Variants in ERBB4 observed in about 807,000 individuals in gnomAD.
ERBB4 encodes the protein erb-b2 receptor tyrosine kinase 4, also known as receptor tyrosine-protein kinase erbB-4.
ERBB4 carries 42 observed loss-of-function variants against 158.0 expected under a neutral mutation model. That is an observed-to-expected ratio of 0.27 (90% confidence interval 0.21 to 0.34). The LOEUF (loss-of-function observed/expected upper bound fraction) is 0.34, where lower values mean the gene tolerates loss of function less well. Ranked by LOEUF, ERBB4 falls within the 10% of genes least tolerant of loss-of-function variation. The pLI is 1.00. For synonymous variants in ERBB4, 583 were observed against 558.7 expected (o/e 1.04, Z -0.61); for missense variants, 1,333 against 1,624.1 (o/e 0.82, Z 3.08).
At chr2:211,727,618 G>A (rs547711739) in intron 5 of ERBB4, among the ~76,000 whole-genome samples, 1 of 151,974 alleles carries the variant, frequency 6.6e-6, no homozygotes, top group East Asian at 1.9e-4. Context: ...TAAAATACTA[G>A]GATTTAAATG....
At chr2:212,361,393 GCT>G (rs920915026) in intron 1 of ERBB4, among the ~76,000 whole-genome samples, 28 of 151,630 alleles carry the variant, frequency 1.8e-4, no homozygotes, top group South Asian at 4.2e-4. Flanking sequence ...AGACAGAGTG[GCT>G]CTTTCTGGAG....
rs763189652 is a variant in ERBB4, at chr2:211,431,009, G to A, written c.2579C>T (p.Thr860Ile). The A allele has an allele frequency of 1.2e-6, 2 of 1,613,490 alleles. No individual in the cohort carries two copies. Among genetic ancestry groups the A allele is most frequent in the African/African-American group, 2.7e-5 (2 of 74,896 alleles). ...LVKSPNHVKITDFGLARLLEG... is the reference protein window; with the variant it reads ...LVKSPNHVKIIDFGLARLLEG... ...CAAGAGTCTGGCTAGCCCAAAATCT[G>A]TGATTTTCACATGGTTTGGAGATTT... The change falls in exon 21 of 28, where the codon ACA (threonine) becomes ATA (isoleucine). Residue 860 changes from threonine (T) to isoleucine (I), a missense_variant. By Grantham distance (89) the Thr-to-Ile change is moderately conservative. Transcript: ENST00000342788.
intron 20 of ERBB4, among the ~76,000 whole-genome samples, chr2:211,450,379 T>C (rs917887620): frequency 1.3e-5 from 2 of 152,210 alleles, no homozygotes; most frequent in African/African-American, 4.8e-5. Flanking sequence ...GGATTACATT[T>C]TGAGAAAAAT....
At chr2:212,516,160 A>C (rs1691830728) in intron 1 of ERBB4, among the ~76,000 whole-genome samples, 1 of 152,012 alleles carries the variant, frequency 6.6e-6, no homozygotes, top group Admixed American at 6.6e-5. Flanking sequence ...TCATGTGCAC[A>C]TCAAGAAAGT....
intron 1 of ERBB4, among the ~76,000 whole-genome samples, chr2:212,207,157 A>T (rs1434195611): frequency 6.6e-6 from 1 of 152,146 alleles, no homozygotes; most frequent in Non-Finnish European, 1.5e-5. Flanking sequence ...TTTTGTTCAA[A>T]GTAATCATAA....
At chr2:212,415,016 G>C (rs751296902) in intron 1 of ERBB4, among the ~76,000 whole-genome samples, 1 of 152,102 alleles carries the variant, frequency 6.6e-6, no homozygotes, top group Non-Finnish European at 1.5e-5. Flanking sequence ...ATGCTTTTTT[G>C]TTTGTAACAA....
In ERBB4 at chr2:212,031,903, A is replaced by G. The variant is rs536250866; in HGVS notation, c.235-84287T>C. On this transcript the variant is annotated intron_variant, in intron 2 of 27. Coordinates refer to ENST00000342788, the MANE Select transcript of ERBB4 (RefSeq NM_005235.3). Reference sequence around the variant, plus strand: ...TATTATGGCAATTTCCCTAGTCACTAAACTATTTCCCGCTGCACAATCCCT... The same window carrying G: ...TATTATGGCAATTTCCCTAGTCACTGAACTATTTCCCGCTGCACAATCCCT... Among the ~76,000 whole-genome samples, 4 of 152,208 alleles carry G rather than the reference A, an allele frequency of 2.6e-5. No homozygotes were observed. The East Asian group carries it at 7.7e-4, about 29-fold the overall frequency.
At chr2:212,012,712 CT>C (rs2076418482) in intron 2 of ERBB4, among the ~76,000 whole-genome samples, 1 of 151,868 alleles carries the variant, frequency 6.6e-6, no homozygotes, top group African/African-American at 2.4e-5. Flanking sequence ...CATGCCCAAA[CT>C]TTTTGTTGTT....
intron 20 of ERBB4, among the ~76,000 whole-genome samples, chr2:211,446,229 C>T (rs116441888): frequency 4.6e-5 from 7 of 152,168 alleles, no homozygotes; most frequent in African/African-American, 1.7e-4. Flanking sequence ...CACATAAGAT[C>T]AGGGTAAAGA....
chr2:211,779,673 A>G (rs1174954801), intron 4 of ERBB4: 1 of 152,220 alleles, frequency 6.6e-6, no homozygotes, highest in Non-Finnish European at 1.5e-5. Flanking sequence ...AACGAAAAGT[A>G]CTAACAATTG....
rs536676186 is a variant in ERBB4 at position 212,185,030 on chromosome 2, T to TTC, written c.83-60128_83-60127insGA. 1.8e-3 allele frequency among the ~76,000 whole-genome samples: 194 copies of TTC among 106,628 alleles called. 1 individual carries two copies. The highest frequency in any genetic ancestry group is 8.4e-3 in the South Asian group (36 of 4,308). The allele number at this position is 106,628 out of a possible 152,430, so 70.0% of individuals were successfully genotyped here. ...ACAGTTACTTTTTTTTCTTTTTTTTTTTTCTTTTGAGACAGAGTCTCACTC... is the reference window on the plus strand; with the variant it reads ...ACAGTTACTTTTTTTTCTTTTTTTTTTCTTTCTTTTGAGACAGAGTCTCACTC... On this transcript the variant is annotated intron_variant, in intron 1 of 27. Coordinates refer to ENST00000342788, the MANE Select transcript of ERBB4 (RefSeq NM_005235.3).
chr2:212,495,318 T>G (rs745897048), intron 1 of ERBB4, among the ~76,000 whole-genome samples: 3 of 152,204 alleles, frequency 2.0e-5, no homozygotes, highest in Non-Finnish European at 2.9e-5. Context: ...ATTCAGAGTT[T>G]GCAAACAATT....
At chr2:211,732,118 C>T (rs1483664405) in intron 5 of ERBB4, among the ~76,000 whole-genome samples, 1 of 152,008 alleles carries the variant, frequency 6.6e-6, no homozygotes, top group Non-Finnish European at 1.5e-5. Flanking sequence ...GAAAGGTTCC[C>T]ATAGATGGAA....
chr2:211,679,071 A>G lies in ERBB4; in HGVS notation c.1603T>C (p.Ser535Pro). Residue 535 changes from serine to proline, a missense_variant, in exon 13 of 28, where the codon TCT (serine) becomes CCT (proline). Coordinates refer to ENST00000342788, the MANE Select transcript of ERBB4 (RefSeq NM_005235.3). Reference protein sequence around the residue: ...RFSRGRICIESCNLYDGEFRE... With the variant: ...RFSRGRICIEPCNLYDGEFRE... ...CCTTACCCATCATAGAGGTTACAAG[A>G]CTCTATGCAGATCCTTCCTCTACTG... The G allele has an allele frequency of 6.2e-7, 1 of 1,613,528 alleles. No homozygotes were observed. The highest frequency in any genetic ancestry group is 8.5e-7 in the Non-Finnish European group (1 of 1,179,790).
intron 19 of ERBB4, among the ~76,000 whole-genome samples, chr2:211,614,967 A>G (rs2069331925): frequency 6.6e-6 from 1 of 152,092 alleles, no homozygotes; most frequent in Non-Finnish European, 1.5e-5. Context: ...TTACATAATA[A>G]AGTCAGATGA....
At position 211,745,729 on chromosome 2, in the gene ERBB4, AC is replaced by A. The variant is rs200440384; in HGVS notation, c.622+4909del. Among the ~76,000 whole-genome samples, 139 of 121,150 alleles carry A rather than the reference AC, an allele frequency of 1.1e-3. 5 individuals carry two copies. Among genetic ancestry groups the A allele is most frequent in the Middle Eastern group, 4.5e-3 (1 of 220 alleles). The allele number at this position is 121,150 out of a possible 152,430, so 79.5% of individuals were successfully genotyped here. ...CTCCACCGCCAGAAAAAAAACAAAA[AC>A]AAAACAAAAAAAACCCTTAGGTAAG... On this transcript the variant is annotated intron_variant, in intron 5 of 27. Transcript: ENST00000342788.
At chr2:212,064,988 GGTGTGT>G (rs34396660) in intron 2 of ERBB4, among the ~76,000 whole-genome samples, 17,795 of 143,168 alleles carry the variant, frequency 0.12, 1,126 homozygotes, top group Middle Eastern at 0.2. Context: ...ACATCTTTAT[GGTGTGT>G]GTGTGTGTGT....
chr2:212,070,509 G>C (rs921646882), intron 2 of ERBB4, among the ~76,000 whole-genome samples: 1 of 152,006 alleles, frequency 6.6e-6, no homozygotes, highest in Non-Finnish European at 1.5e-5. Flanking sequence ...CAATTGAATA[G>C]ATTTAAGAGT....
chr2:211,799,343 A>G (rs930446519), intron 3 of ERBB4, among the ~76,000 whole-genome samples: 2 of 152,318 alleles, frequency 1.3e-5, no homozygotes, highest in Non-Finnish European at 2.9e-5. Context: ...TCTAAATTAC[A>G]TAAAGGAACA....
Sources: gnomAD v4.1 joint callset for allele counts (sites outside exome capture counted in the v4.1 genomes callset) on GRCh38, gnomAD v4.1.1 for gene constraint, MANE v1.5 for transcripts, NCBI Gene and HGNC (gene_info 2026-07-23, HGNC 2026-07-21) for gene names.